Variants in NRXN3 observed in about 807,000 individuals in gnomAD.
NRXN3 encodes the protein neurexin III.
NRXN3 carries 32 observed loss-of-function variants against 137.6 expected under a neutral mutation model. That is an observed-to-expected ratio of 0.23 (90% CI 0.18 to 0.31). The LOEUF (loss-of-function observed/expected upper bound fraction) is 0.31. NRXN3 is among the 10% of genes least tolerant of loss of function. NRXN3 has a pLI of 1.00. For missense variants in NRXN3, 1,574 were observed against 2,062.5 expected (o/e 0.76, Z 4.59); for synonymous variants, 798 against 784.5 (o/e 1.02, Z -0.29).
At chr14:78,573,804 A>G (rs375437221) in intron 4 of NRXN3, among the ~76,000 whole-genome samples, 6 of 152,254 alleles carry the variant, frequency 3.9e-5, no homozygotes, top group African/African-American at 1.2e-4. Context: ...GGAAAAGTTC[A>G]AGTCAGCTGA....
chr14:78,361,018 T>G (rs534187051), intron 4 of NRXN3, among the ~76,000 whole-genome samples: 6 of 152,338 alleles, frequency 3.9e-5, no homozygotes, highest in Non-Finnish European at 8.8e-5. Flanking sequence ...CAACTTGGAT[T>G]CACTGATTTA....
chr14:79,166,712 G>T (rs1266199789), intron 15 of NRXN3, among the ~76,000 whole-genome samples: 1 of 151,572 alleles, frequency 6.6e-6, no homozygotes, highest in Non-Finnish European at 1.5e-5. Context: ...TTTTTAAAAA[G>T]AACCATCTTT....
chr14:78,173,578 A>G (rs143715426), intron 1 of NRXN3, among the ~76,000 whole-genome samples: 1 of 117,700 alleles, frequency 8.5e-6, no homozygotes, highest in Non-Finnish European at 1.7e-5. Context: ...TTCTGCCATG[A>G]TCTTGCCTTC....
At chr14:79,479,743 A>G (rs1039674824) in intron 16 of NRXN3, among the ~76,000 whole-genome samples, 1 of 152,060 alleles carries the variant, frequency 6.6e-6, no homozygotes, top group Non-Finnish European at 1.5e-5. Context: ...GTTTTTCTCA[A>G]TGACGTTAAG....
chr14:79,798,756 G>C (rs998090722), intron 19 of NRXN3, among the ~76,000 whole-genome samples: 2 of 152,190 alleles, frequency 1.3e-5, no homozygotes, highest in African/African-American at 4.8e-5. Context: ...GGGCAGTAAG[G>C]AGGGGACAGA....
chr14:78,944,448 C>A (rs1405417446), intron 10 of NRXN3, among the ~76,000 whole-genome samples: 1 of 152,232 alleles, frequency 6.6e-6, no homozygotes, highest in East Asian at 1.9e-4. Context: ...AATTTGATGT[C>A]TACCCGGAAC....
chr14:78,988,093 A>G lies in NRXN3; in HGVS notation c.3214A>G (p.Thr1072Ala), dbSNP rs2099510772. ...GVCMQQWEGF[T>A]CDCSMTSYSG... Reference sequence around the variant, plus strand: ...CTGCATGCAACAATGGGAGGGCTTCACCTGTGATTGTTCTATGACCTCTTA... The same window carrying G: ...CTGCATGCAACAATGGGAGGGCTTCGCCTGTGATTGTTCTATGACCTCTTA... The change falls in exon 15 of 21, where the codon ACC becomes GCC. Residue 1072 changes from threonine to alanine, a missense_variant. Physicochemically the swap from Thr to Ala is moderately conservative, Grantham distance 58. Coordinates refer to ENST00000335750, the MANE Select transcript of NRXN3 (RefSeq NM_001330195.2). 4 of 1,613,870 alleles carry G rather than the reference A, an allele frequency of 2.5e-6. No individual in the cohort carries two copies. The highest frequency in any genetic ancestry group is 3.4e-6 in the Non-Finnish European group (4 of 1,179,886).
chr14:79,753,671 ATAAC>A (rs772106193), intron 19 of NRXN3, among the ~76,000 whole-genome samples: 4 of 151,732 alleles, frequency 2.6e-5, no homozygotes, highest in Admixed American at 2.6e-4. Flanking sequence ...GTATACATAT[ATAAC>A]TAACCTGCAC....
At chr14:78,621,995 G>A (rs2097409718) in intron 4 of NRXN3, among the ~76,000 whole-genome samples, 1 of 152,136 alleles carries the variant, frequency 6.6e-6, no homozygotes, top group Admixed American at 6.5e-5. Context: ...TACATAGAGG[G>A]TATATGCTTA....
chr14:78,532,224 G>A (rs1385272515), intron 4 of NRXN3, among the ~76,000 whole-genome samples: 1 of 151,724 alleles, frequency 6.6e-6, no homozygotes, highest in African/African-American at 2.4e-5. Context: ...GGGAGGCTGA[G>A]GCAGGAGAAT....
chr14:78,388,970 G>A (rs2153638919), intron 4 of NRXN3, among the ~76,000 whole-genome samples: 1 of 151,504 alleles, frequency 6.6e-6, no homozygotes, highest in Admixed American at 6.6e-5. Flanking sequence ...ATGTATATAT[G>A]AGTACATAAA....
intron 19 of NRXN3, among the ~76,000 whole-genome samples, chr14:79,708,400 C>G (rs1208568753): frequency 6.6e-6 from 1 of 151,800 alleles, no homozygotes; most frequent in Non-Finnish European, 1.5e-5. Flanking sequence ...ATCAATCCCC[C>G]ACAGATGCTG....
At chr14:79,148,615 T>G (rs1352083378) in intron 15 of NRXN3, among the ~76,000 whole-genome samples, 2 of 152,160 alleles carry the variant, frequency 1.3e-5, no homozygotes, top group Non-Finnish European at 2.9e-5. Flanking sequence ...GTGGACATAC[T>G]CAGCCTGCGA....
At chr14:78,649,147 C>A in intron 5 of NRXN3, 1 of 563,448 alleles carries the variant, frequency 1.8e-6, no homozygotes, top group South Asian at 1.7e-5. Context: ...TGCAATGTGT[C>A]ATTTTACTAA....
rs147876363 is a variant in NRXN3, at chr14:78,699,924, AAC to A, written c.1222-9287_1222-9286del. 6.3e-3 allele frequency among the ~76,000 whole-genome samples: 954 copies of A among 152,320 alleles called. 52 individuals carry two copies. In the East Asian group the frequency reaches 0.14, roughly 23 times the overall value. ...GGAATGCATTGGTTATCACATCAGA[AAC>A]ACACAACCCATGTGTTTATGACGCT... On this transcript the variant is annotated intron_variant, in intron 6 of 20. Transcript: ENST00000335750.
intron 4 of NRXN3, among the ~76,000 whole-genome samples, chr14:78,420,933 T>TC (rs2153676622): frequency 6.6e-6 from 1 of 152,280 alleles, no homozygotes; most frequent in South Asian, 2.1e-4. Context: ...TGTAGGGAAC[T>TC]TATGAGAGTT....
chr14:78,914,316 G>T (rs1197291933), intron 10 of NRXN3, among the ~76,000 whole-genome samples: 1 of 152,130 alleles, frequency 6.6e-6, no homozygotes, highest in East Asian at 1.9e-4. Flanking sequence ...ATGAACAAAA[G>T]AAACAAAAAT....
intron 4 of NRXN3, among the ~76,000 whole-genome samples, chr14:78,565,604 A>G (rs2096828992): frequency 6.6e-6 from 1 of 152,248 alleles, no homozygotes; most frequent in Admixed American, 6.5e-5. Context: ...AATGGATTTA[A>G]TAATGGCTGT....
chr14:78,995,373 T>C (rs573196277), intron 15 of NRXN3, among the ~76,000 whole-genome samples: 2 of 152,350 alleles, frequency 1.3e-5, no homozygotes, highest in East Asian at 3.9e-4. Flanking sequence ...GTGTTTGCTT[T>C]ATTTCAATTC....
Sources: allele counts gnomAD v4.1 joint callset (sites outside exome capture counted in the v4.1 genomes callset), GRCh38; gene constraint gnomAD v4.1.1; transcripts MANE v1.5; gene names NCBI Gene and HGNC (gene_info 2026-07-23, HGNC 2026-07-21).